The following KIF7 variants were observed in gnomAD, a reference collection of about 807,000 sequenced individuals.
The protein encoded by KIF7 is kinesin family member 7.
Under a neutral mutation model 135.7 loss-of-function variants are expected in KIF7, and 104 were observed. The observed-to-expected ratio is 0.77, with a 90% CI of 0.65 to 0.90. KIF7 has a LOEUF of 0.90. Ranked by LOEUF, KIF7 falls within the 40% of genes least tolerant of loss-of-function variation. The pLI, the probability that KIF7 is intolerant of heterozygous loss-of-function variation, is 0.00. For missense variants in KIF7, 2,005 were observed against 1,839.1 expected, an observed-to-expected ratio of 1.09 and a Z score of -1.65; for synonymous variants, 883 against 809.4, an observed-to-expected ratio of 1.09 and a Z score of -1.54.
At chr15:89,642,667 T>G (rs1326948351) in intron 10 of KIF7, among the ~76,000 whole-genome samples, 3 of 152,250 alleles carry the variant, frequency 2.0e-5, no homozygotes, top group Non-Finnish European at 4.4e-5. Flanking sequence ...CCTTCCAGAT[T>G]CAAGTGATTC....
intron 1 of KIF7, chr15:89,619,708 A>G (rs942961179): frequency 1.9e-6 from 3 of 1,606,598 alleles, no homozygotes; most frequent in Non-Finnish European, 2.5e-6. Context: ...GATTTTACAG[A>G]AATAAGTCTG....
chr15:89,630,156 C>G, intron 16 of KIF7, 131 bp downstream of exon 16: 1 of 821,778 alleles, frequency 1.2e-6, no homozygotes, highest in Non-Finnish European at 2.0e-6. Flanking sequence ...GGCGGCCCTG[C>G]AGATGAGTTG....
At chr15:89,640,997 C>T (rs1048263025) in intron 11 of KIF7, among the ~76,000 whole-genome samples, 6 of 151,822 alleles carry the variant, frequency 4.0e-5, no homozygotes, top group African/African-American at 7.3e-5. Context: ...AGTGAGACTC[C>T]GTCTCAAAAA....
Position 89,633,877 on chromosome 15 carries a change from T to A in KIF7, c.2401A>T (p.Lys801Ter). ...AAAQSQVQVL[K>*]EKKQATERLV... Reference sequence around the variant, plus strand: ...CGCTCCGTAGCCTGCTTCTTCTCCTTCAGCACCTGGGACCCACACAGTCTT... The same window carrying A: ...CGCTCCGTAGCCTGCTTCTTCTCCTACAGCACCTGGGACCCACACAGTCTT... The change falls in exon 12 of 19, where the codon AAG (lysine) becomes TAG (stop). Residue 801 changes from lysine (K) to a stop codon, truncating the protein, a stop_gained. Transcript: ENST00000394412. LOFTEE classifies it high-confidence loss of function. 6.2e-7 allele frequency: 1 copy of A among 1,613,746 alleles called. No homozygotes were observed. Among genetic ancestry groups the A allele is most frequent in the East Asian group, 2.2e-5 (1 of 44,876 alleles).
rs1372575697 is a variant in KIF7, at chr15:89,642,272, C to T, written c.2325G>A (p.Gln775=). The change falls in exon 11 of 19, where the codon CAG becomes CAA. Residue 775 remains glutamine, a synonymous_variant. Transcript: ENST00000394412. ...GGAGCCGAGACCGCTCGCCAGCATC[C>T]TGGAGCTCCTTGCCCTCGAGCTCCC... ...QLRELEGKEL[Q]DAGERSRLQE... The T allele has an allele frequency of 5.0e-6, 8 of 1,610,470 alleles. No individual in the cohort carries two copies. The highest frequency in any genetic ancestry group is 6.8e-6 in the Non-Finnish European group (8 of 1,179,744).
rs915251226 is a variant in KIF7, at chr15:89,646,031, G to A, written c.1789-5C>T. On this transcript the variant is annotated splice_region_variant and splice_polypyrimidine_tract_variant and intron_variant, in intron 7 of 18. Transcript: ENST00000394412. ...CTCCCTGCCATTTGTCACCTGCTAG[G>A]GGAGTGAGCCATTTCCCATCCCAAG... 2 of 1,613,644 alleles carry A rather than the reference G, an allele frequency of 1.2e-6. No individual in the cohort carries two copies. Among genetic ancestry groups the A allele is most frequent in the Middle Eastern group, 1.7e-4 (1 of 6,060 alleles).
At chr15:89,624,181 A>T (rs778184583), downstream of KIF7, 3 of 1,613,900 alleles carry the variant, frequency 1.9e-6, no homozygotes, top group Admixed American at 3.3e-5. Flanking sequence ...AGCTATCAAA[A>T]CTCCAAAAAG....
In KIF7 at chr15:89,646,819, C is replaced by T. The variant is rs747869900; in HGVS notation, c.1788+11G>A. On this transcript the variant is annotated intron_variant, in intron 7 of 18. Coordinates refer to ENST00000394412, the MANE Select transcript of KIF7 (RefSeq NM_198525.3). ...AGGGCCCACAGACACCCAGCCTCAC[C>T]CTCTTCTCACCTCTCCCCTCTGCTC... 4 of 1,613,268 alleles carry T rather than the reference C, an allele frequency of 2.5e-6. No homozygotes were observed. In the African/African-American group the frequency reaches 5.3e-5, roughly 22 times the overall value.
chr15:89,618,130 C>T (rs1018245622), exon 2 of KIF7: 1 of 1,613,060 alleles, frequency 6.2e-7, no homozygotes, highest in Non-Finnish European at 8.5e-7. Flanking sequence ...TGGAGTAATC[C>T]TTGTGCATGT....
In KIF7 at chr15:89,652,910, C is replaced by A; in HGVS notation, c.21G>T (p.Arg7Ser). Residue 7 changes from arginine (R) to serine (S), a missense_variant, in exon 2 of 19, where the codon AGG (arginine) becomes AGT (serine). By Grantham distance (110) the Arg-to-Ser change is moderately radical. Transcript: ENST00000394412. ...CTGGGGCCTCCTCAGCCCCTGGCAG[C>A]CTCTGAGCCTCCAGCCCCATGCCGA... MGLEAQ[R>S]LPGAEEAPVR... 1 of 1,526,428 alleles carries A rather than the reference C, an allele frequency of 6.6e-7. No homozygotes were observed. The highest frequency in any genetic ancestry group is 8.8e-7 in the Non-Finnish European group (1 of 1,133,644). 94.6% of individuals were successfully genotyped at this position (1,526,428 alleles called of 1,614,324 possible).
chr15:89,633,075 G>C (rs899068077), intron 13 of KIF7, 66 bp downstream of exon 13: 2 of 1,600,108 alleles, frequency 1.2e-6, no homozygotes, highest in African/African-American at 2.7e-5. Flanking sequence ...GGTTCACTGG[G>C]GAGAAAGGTG....
rs1963717364 is a variant in KIF7, at chr15:89,633,016, G to GAGGGAGGA, written c.2719-21_2719-20insTCCTCCCT. ...AATCTTCTAAGGAAAAGTAGGGAGG[G>GAGGGAGGA]AGGGAGGGAACTCAGGGCCCACCTC... is the stretch of plus-strand genomic sequence containing the variant. On this transcript the variant is annotated intron_variant, in intron 13 of 18. Coordinates refer to ENST00000394412, the MANE Select transcript of KIF7 (RefSeq NM_198525.3). 1 of 1,302,146 alleles carries GAGGGAGGA rather than the reference G, an allele frequency of 7.7e-7. No individual in the cohort carries two copies. Among genetic ancestry groups the GAGGGAGGA allele is most frequent in the African/African-American group, 1.5e-5 (1 of 66,894 alleles). 80.7% of individuals were successfully genotyped at this position (1,302,146 alleles called of 1,614,324 possible).
intron 2 of KIF7, chr15:89,617,932 TC>T: frequency 3.7e-6 from 2 of 539,698 alleles, no homozygotes. Flanking sequence ...CCTCAAGTGA[TC>T]CGCCCGCCTT....
upstream of KIF7, among the ~76,000 whole-genome samples, chr15:89,656,729 T>C (rs998639198): frequency 2.6e-5 from 4 of 152,110 alleles, no homozygotes; most frequent in Admixed American, 6.5e-5. Context: ...TTTCCTCCAA[T>C]AGACAATTCA....
the KIF7 span, among the ~76,000 whole-genome samples, chr15:89,661,173 C>G: frequency 6.6e-6 from 1 of 152,258 alleles, no homozygotes; most frequent in African/African-American, 2.4e-5. Context: ...TGAATCCATT[C>G]TAATGCAAAT....
At chr15:89,626,649 T>C (rs966448408), downstream of KIF7, among the ~76,000 whole-genome samples, 2 of 152,130 alleles carry the variant, frequency 1.3e-5, no homozygotes, top group African/African-American at 2.4e-5. Context: ...ATATAAATCA[T>C]GCAAAACAGC....
intron 15 of KIF7, chr15:89,630,918 C>T (rs1963659769): frequency 3.0e-6 from 1 of 328,868 alleles, no homozygotes. Context: ...ATGGTATAGC[C>T]CACCACACAC....
intron 7 of KIF7, among the ~76,000 whole-genome samples, chr15:89,646,571 C>T (rs917919329): frequency 3.3e-5 from 5 of 152,316 alleles, no homozygotes; most frequent in Middle Eastern, 3.4e-3. Context: ...GAAGCCTGAA[C>T]CCCCTCTGTA....
In KIF7 at chr15:89,630,735, C is replaced by T. The variant is rs192090715; in HGVS notation, c.3112-242G>A. 2.6e-3 allele frequency: 1,537 copies of T among 582,408 alleles called. 5 individuals are homozygous for T. The highest frequency in any genetic ancestry group is 3.7e-3 in the Non-Finnish European group (1,199 of 325,148). 36.1% of individuals were successfully genotyped at this position (582,408 alleles called of 1,614,324 possible). ...ACTGCAAGCCTCTGTGAATGATCTACATTCAGGAAGTTCAGAGCACCCTAA... is the reference window on the plus strand; with the variant it reads ...ACTGCAAGCCTCTGTGAATGATCTATATTCAGGAAGTTCAGAGCACCCTAA... On this transcript the variant is annotated intron_variant, in intron 15 of 18. Coordinates refer to ENST00000394412, the MANE Select transcript of KIF7 (RefSeq NM_198525.3).
Sources: allele counts gnomAD v4.1 joint callset (sites outside exome capture counted in the v4.1 genomes callset), GRCh38; gene constraint gnomAD v4.1.1; transcripts MANE v1.5; gene names NCBI Gene and HGNC (gene_info 2026-07-23, HGNC 2026-07-21).